The following SERPINB13 variants were observed in gnomAD, a reference collection of about 807,000 sequenced individuals.
SERPINB13 encodes serpin family B member 13, also known as serpin B13.
A neutral mutation model predicts 31.2 loss-of-function variants in SERPINB13; 26 were observed. The ratio of observed to expected loss-of-function variants is 0.83; its 90% CI spans 0.61 to 1.15. SERPINB13 has a LOEUF of 1.15. SERPINB13 is among the 50% of genes most tolerant of loss of function. The pLI is 0.00. For synonymous variants in SERPINB13, 191 were observed against 172.4 expected (o/e 1.11, Z -0.85); for missense variants, 510 against 469.4 (o/e 1.09, Z -0.80).
At chr18:63,592,138 G>C (rs1911889626) in intron 3 of SERPINB13, among the ~76,000 whole-genome samples, 1 of 152,148 alleles carries the variant, frequency 6.6e-6, no homozygotes, top group Admixed American at 6.5e-5. Flanking sequence ...GGCAGAGAAG[G>C]CTTCTCTCTG....
chr18:63,589,542 G>A, intron 2 of SERPINB13, 114 bp from the exon 3 acceptor site: 1 of 1,360,722 alleles, frequency 7.3e-7, no homozygotes, highest in Non-Finnish European at 9.9e-7. Context: ...AGGAGATAAT[G>A]TCACCTCATA....
rs1235780803 is a variant in SERPINB13, at chr18:63,599,020, T to C, written c.*1657T>C. On this transcript the variant is annotated 3_prime_UTR_variant, in exon 8 of 8. Coordinates refer to ENST00000344731, the MANE Select transcript of SERPINB13 (RefSeq NM_012397.4). ...ATCTAATTAGGTTGAGCTTTTTTTA[T>C]GTGCTTATTGGCCATTTGTTTGACT... The C allele has an allele frequency of 1.3e-5, 2 of 152,202 alleles. No homozygotes were observed. Among genetic ancestry groups the C allele is most frequent in the Non-Finnish European group, 2.9e-5 (2 of 68,014 alleles). The allele number at this position is 152,202 out of a possible 1,614,324, so 9.4% of individuals were successfully genotyped here. A position where few individuals can be genotyped will look rare whatever the true frequency, so the allele number is the denominator to read the frequency against.
At chr18:63,589,628 C>T (rs1911730818) in intron 2 of SERPINB13, 28 bp from the exon 3 acceptor site, 1 of 1,610,114 alleles carries the variant, frequency 6.2e-7, no homozygotes, top group Non-Finnish European at 8.5e-7. Flanking sequence ...TCTCTGAGCA[C>T]CACAGTAATA....
chr18:63,587,409 T>C lies in SERPINB13; in HGVS notation c.-59T>C, dbSNP rs757330121. The C allele has an allele frequency of 3.6e-5, 17 of 471,112 alleles. No homozygotes were observed. Among genetic ancestry groups the C allele is most frequent in the Non-Finnish European group, 6.6e-5 (15 of 227,004 alleles). The allele number at this position is 471,112 out of a possible 1,614,324, so 29.2% of individuals were successfully genotyped here. A position where few individuals can be genotyped will look rare whatever the true frequency, so the allele number is the denominator to read the frequency against. ...AGCTACTTAATTGACTTATGCTTCC[T>C]AGTTCGTTGCCCAGCCACCACCGTC... is the stretch of plus-strand genomic sequence containing the variant. On this transcript the variant is annotated 5_prime_UTR_variant, in exon 1 of 8. Transcript: ENST00000344731.
At chr18:63,588,589 G>C in intron 1 of SERPINB13, 62 bp from the exon 2 acceptor site, 1 of 1,505,910 alleles carries the variant, frequency 6.6e-7, no homozygotes, top group Non-Finnish European at 9.2e-7. Flanking sequence ...GAAGCAGAAA[G>C]GATTCCCCTG....
chr18:63,588,574 G>A (rs1446147123), intron 1 of SERPINB13, 77 bp from the exon 2 acceptor site: 1 of 1,425,336 alleles, frequency 7.0e-7, no homozygotes, highest in East Asian at 2.3e-5. Flanking sequence ...GCAAGAAGAG[G>A]AATAGAAGCA....
In SERPINB13 at chr18:63,597,656, A is replaced by G. The variant is rs1912268556; in HGVS notation, c.*293A>G. The G allele has an allele frequency of 3.3e-6, 1 of 300,480 alleles. No individual in the cohort carries two copies. The allele number at this position is 300,480 out of a possible 1,614,324, so 18.6% of individuals were successfully genotyped here. A position where few individuals can be genotyped will look rare whatever the true frequency, so the allele number is the denominator to read the frequency against. ...GGTATCTTGTAGTTTTGTGCACACG[A>G]AAGGAGAGAAAGTCTCTCCAGTAAA... On this transcript the variant is annotated 3_prime_UTR_variant, in exon 8 of 8. Transcript: ENST00000344731.
intron 3 of SERPINB13, among the ~76,000 whole-genome samples, chr18:63,591,891 C>CAGCCCA (rs2144396966): frequency 6.6e-6 from 1 of 152,124 alleles, no homozygotes; most frequent in East Asian, 1.9e-4. Context: ...AATCTCACTT[C>CAGCCCA]AGCCCAATGT....
At chr18:63,593,965 G>A in intron 5 of SERPINB13, 2 of 474,368 alleles carry the variant, frequency 4.2e-6, no homozygotes, top group South Asian at 3.1e-5. Context: ...AGCTTTACAT[G>A]TGTTAAATCA....
Position 63,597,506 on chromosome 18 carries a change from T to C in SERPINB13, c.*143T>C, listed in dbSNP as rs183205884. On this transcript the variant is annotated 3_prime_UTR_variant, in exon 8 of 8. Coordinates refer to ENST00000344731, the MANE Select transcript of SERPINB13 (RefSeq NM_012397.4). ...GCCATCAAATCAATGATTTAATGAC[T>C]CCAATAATGTGTGTGTTTATAACCA... is the stretch of plus-strand genomic sequence containing the variant. 8 of 838,474 alleles carry C rather than the reference T, an allele frequency of 9.5e-6. No individual in the cohort carries two copies. In the Admixed American group the frequency reaches 2.1e-4, roughly 22 times the overall value. 51.9% of individuals were successfully genotyped at this position (838,474 alleles called of 1,614,324 possible).
At position 63,597,589 on chromosome 18, in the gene SERPINB13, C is replaced by T; in HGVS notation, c.*226C>T. On this transcript the variant is annotated 3_prime_UTR_variant, in exon 8 of 8. Coordinates refer to ENST00000344731, the MANE Select transcript of SERPINB13 (RefSeq NM_012397.4). Reference sequence around the variant, plus strand: ...CATGCGTAAGGTGAGTCAAACCAAACCTCATTGATAATCTCCCTTTGGTTT... The same window carrying T: ...CATGCGTAAGGTGAGTCAAACCAAATCTCATTGATAATCTCCCTTTGGTTT... 2.1e-6 allele frequency: 1 copy of T among 483,852 alleles called. No homozygotes were observed. The highest frequency in any genetic ancestry group is 3.6e-6 in the Non-Finnish European group (1 of 274,948). The allele number at this position is 483,852 out of a possible 1,614,324, so 30.0% of individuals were successfully genotyped here. A position where few individuals can be genotyped will look rare whatever the true frequency, so the allele number is the denominator to read the frequency against.
Position 63,594,467 on chromosome 18 carries a change from T to C in SERPINB13, c.585T>C (p.Asn195=). 3 of 1,614,056 alleles carry C rather than the reference T, an allele frequency of 1.9e-6. No individual in the cohort carries two copies. The highest frequency in any genetic ancestry group is 1.7e-5 in the Admixed American group (1 of 60,004). Residue 195 remains asparagine (N), a synonymous_variant, in exon 6 of 8, where the codon AAT becomes AAC. Coordinates refer to ENST00000344731, the MANE Select transcript of SERPINB13 (RefSeq NM_012397.4). ...GQWDREFKKE[N]TKEEKFWMNK... ...GGGACAGGGAGTTTAAGAAAGAAAATACTAAGGAAGAGAAATTTTGGATGA... is the reference window on the plus strand; with the variant it reads ...GGGACAGGGAGTTTAAGAAAGAAAACACTAAGGAAGAGAAATTTTGGATGA...
intron 5 of SERPINB13, 178 bp from the exon 6 acceptor site, chr18:63,594,177 G>A (rs1912016862): frequency 1.3e-6 from 2 of 1,514,384 alleles, no homozygotes; most frequent in African/African-American, 2.8e-5. Flanking sequence ...AATAGGCGAT[G>A]GGCAAAATGA....
chr18:63,594,600 G>A (rs969418606), intron 6 of SERPINB13, 103 bp downstream of exon 6: 2 of 1,289,882 alleles, frequency 1.6e-6, no homozygotes, highest in African/African-American at 3.0e-5. Context: ...CAGCACTTTG[G>A]GAGGCCAAGG....
chr18:63,590,664 C>T (rs1482757189), intron 3 of SERPINB13, among the ~76,000 whole-genome samples: 1 of 152,216 alleles, frequency 6.6e-6, no homozygotes, highest in Non-Finnish European at 1.5e-5. Flanking sequence ...TAGAAAACAG[C>T]TCATTCTTTT....
Position 63,596,980 on chromosome 18 carries a change from G to A in SERPINB13, c.793G>A (p.Glu265Lys). Reference protein sequence around the residue: ...LEKIIDKISPEKLVEWTSPGH... With the variant: ...LEKIIDKISPKKLVEWTSPGH... ...ATAGATAATAGATAAAATAAGTCCT[G>A]AGAAATTGGTAGAGTGGACTAGTCC... The change falls in exon 8 of 8, where the codon GAG becomes AAG. Residue 265 changes from glutamate (E) to lysine (K), a missense_variant. Physicochemically the swap from Glu to Lys is moderately conservative, Grantham distance 56. Coordinates refer to ENST00000344731, the MANE Select transcript of SERPINB13 (RefSeq NM_012397.4). 1.9e-6 allele frequency: 3 copies of A among 1,609,762 alleles called. No individual in the cohort carries two copies. The highest frequency in any genetic ancestry group is 2.5e-6 in the Non-Finnish European group (3 of 1,177,948).
intron 5 of SERPINB13, among the ~76,000 whole-genome samples, chr18:63,593,261 A>C (rs1055959930): frequency 6.6e-6 from 1 of 152,156 alleles, no homozygotes; most frequent in African/African-American, 2.4e-5. Flanking sequence ...AAATGCACGG[A>C]AACGCTTGCT....
At chr18:63,589,828 G>A in intron 3 of SERPINB13, 113 bp downstream of exon 3, 2 of 1,569,204 alleles carry the variant, frequency 1.3e-6, no homozygotes, top group Non-Finnish European at 1.7e-6. Context: ...AGGCATGAAA[G>A]CAATATTGTT....
Position 63,588,638 on chromosome 18 carries a change from C to T in SERPINB13, c.-17-13C>T, listed in dbSNP as rs770599436. The T allele has an allele frequency of 6.2e-7, 1 of 1,612,034 alleles. No individual in the cohort carries two copies. Among genetic ancestry groups the T allele is most frequent in the Non-Finnish European group, 8.5e-7 (1 of 1,178,324 alleles). On this transcript the variant is annotated splice_polypyrimidine_tract_variant and intron_variant, in intron 1 of 7. Coordinates refer to ENST00000344731, the MANE Select transcript of SERPINB13 (RefSeq NM_012397.4). ...CAAATGTTCAGTTTTGATTGTTGTT[C>T]TTGCTATTCTAGGTCTCGCTAAAAT...
Sources: allele counts gnomAD v4.1 joint callset (sites outside exome capture counted in the v4.1 genomes callset), GRCh38; gene constraint gnomAD v4.1.1; transcripts MANE v1.5; gene names NCBI Gene and HGNC (gene_info 2026-07-23, HGNC 2026-07-21).